PDE2A: variants seen among roughly 807,000 people sequenced by gnomAD.
The protein encoded by PDE2A is cGMP-dependent 3',5'-cyclic phosphodiesterase.
PDE2A carries 53 observed loss-of-function variants against 133.6 expected under a neutral mutation model. That is an observed-to-expected ratio of 0.40 (90% CI 0.32 to 0.50). The LOEUF (loss-of-function observed/expected upper bound fraction) is 0.50, where lower values mean the gene tolerates loss of function less well. Ranked by LOEUF, PDE2A falls within the 20% of genes least tolerant of loss-of-function variation. The probability of loss-of-function intolerance (pLI) is 0.73; values close to 1 mark genes in which losing one functional copy is unlikely to be tolerated. For missense variants in PDE2A, 796 were observed against 1,232.4 expected (o/e 0.65, Z 5.30); for synonymous variants, 491 against 490.2 (o/e 1.00, Z -0.02).
intron 4 of PDE2A, among the ~76,000 whole-genome samples, chr11:72,604,656 G>A (rs1288478562): frequency 6.6e-6 from 1 of 152,228 alleles, no homozygotes; most frequent in Non-Finnish European, 1.5e-5. Context: ...ACAGGGAGCT[G>A]AGATTTGAAC....
intron 2 of PDE2A, chr11:72,635,932 C>T (rs1246305970): frequency 2.4e-5 from 28 of 1,152,164 alleles, no homozygotes; most frequent in South Asian, 2.0e-4. Context: ...TTCGGCCACC[C>T]GACCTTCCCG....
At position 72,605,222 on chromosome 11, in the gene PDE2A, G is replaced by T; in HGVS notation, c.239C>A (p.Thr80Asn). Residue 80 changes from threonine to asparagine, a missense_variant, in exon 4 of 31, where the codon ACT (threonine) becomes AAT (asparagine). Around this residue, in one of 7 missense-constraint regions of PDE2A, gnomAD observed 417 missense variants for 475.3 expected, o/e 0.88. Coordinates refer to ENST00000334456, the MANE Select transcript of PDE2A (RefSeq NM_002599.5). Reference sequence around the variant, plus strand: ...ACCATCCAGTAGGTAGGTGTAGACAGTTTCCTAGGACAGAAGGCACTTATG... The same window carrying T: ...ACCATCCAGTAGGTAGGTGTAGACATTTTCCTAGGACAGAAGGCACTTATG... ...ALSAVLPRVETVYTYLLDGES... is the reference protein window; with the variant it reads ...ALSAVLPRVENVYTYLLDGES... The T allele has an allele frequency of 6.2e-7, 1 of 1,604,148 alleles. No homozygotes were observed.
At chr11:72,602,413 C>G (rs960708055) in intron 4 of PDE2A, among the ~76,000 whole-genome samples, 2 of 152,178 alleles carry the variant, frequency 1.3e-5, no homozygotes, top group Non-Finnish European at 2.9e-5. Context: ...CACGCCACAC[C>G]TGCTGCTGTT....
At chr11:72,585,056 G>T in intron 16 of PDE2A, 112 bp from the exon 17 acceptor site, 1 of 1,011,276 alleles carries the variant, frequency 9.9e-7, no homozygotes, top group South Asian at 1.3e-5. Flanking sequence ...AGTGCTCCAA[G>T]GTAAGACACT....
chr11:72,653,798 C>T (rs2135450801), intron 1 of PDE2A, among the ~76,000 whole-genome samples: 1 of 152,338 alleles, frequency 6.6e-6, no homozygotes, highest in African/African-American at 2.4e-5. Context: ...TCGCCTGTCC[C>T]CTAGAACACA....
At chr11:72,668,341 T>C (rs1274298930) in intron 1 of PDE2A, 10 of 718,672 alleles carry the variant, frequency 1.4e-5, no homozygotes, top group Non-Finnish European at 2.1e-5. Flanking sequence ...TGTTTCTTCA[T>C]CCAGAAAACA....
intron 1 of PDE2A, among the ~76,000 whole-genome samples, chr11:72,644,347 C>G (rs1047745301): frequency 6.6e-6 from 1 of 152,230 alleles, no homozygotes; most frequent in Non-Finnish European, 1.5e-5. Flanking sequence ...ATTACCTGGG[C>G]TAAGATGTGT....
intron 1 of PDE2A, among the ~76,000 whole-genome samples, chr11:72,651,036 C>T (rs1340678549): frequency 6.6e-6 from 1 of 152,184 alleles, no homozygotes; most frequent in Non-Finnish European, 1.5e-5. Context: ...AACTCAGAAA[C>T]CATCACACAG....
chr11:72,581,343 A>T lies in PDE2A; in HGVS notation c.2045+14T>A, dbSNP rs1191444267. On this transcript the variant is annotated intron_variant, in intron 23 of 30. Coordinates refer to ENST00000334456, the MANE Select transcript of PDE2A (RefSeq NM_002599.5). ...CCAGTGGCTGCCAGATGTGGGGGAG[A>T]TGCAGCCACTCACTCGAGGTAGTTG... 6.2e-7 allele frequency: 1 copy of T among 1,612,224 alleles called. No individual in the cohort carries two copies. Among genetic ancestry groups the T allele is most frequent in the South Asian group, 1.1e-5 (1 of 90,290 alleles).
At chr11:72,601,140 C>G (rs1245864673) in intron 4 of PDE2A, among the ~76,000 whole-genome samples, 1 of 129,804 alleles carries the variant, frequency 7.7e-6, no homozygotes, top group Non-Finnish European at 1.7e-5. Flanking sequence ...GGAACCCCCA[C>G]CCTCACTGAG....
Position 72,590,504 on chromosome 11 carries a change from G to T in PDE2A, c.626C>A (p.Pro209His), listed in dbSNP as rs749362922. The T allele has an allele frequency of 6.6e-7, 1 of 1,509,828 alleles. No individual in the cohort carries two copies. Among genetic ancestry groups the T allele is most frequent in the East Asian group, 2.4e-5 (1 of 41,972 alleles). 93.5% of individuals were successfully genotyped at this position (1,509,828 alleles called of 1,614,324 possible). ...PREAPRAVQNPPEGTAEDQKG... is the reference protein window; with the variant it reads ...PREAPRAVQNHPEGTAEDQKG... ...CTGGTCTTCCGCCGTCCCCTCCGGG[G>T]GGTTCTGGACGGCTCGGGGAGCCTC... Residue 209 changes from proline to histidine, a missense_variant, in exon 8 of 31, where the codon CCC (proline) becomes CAC (histidine). Physicochemically the swap from Pro to His is moderately conservative, Grantham distance 77 (BLOSUM62 -2). Around this residue, in one of 7 missense-constraint regions of PDE2A, gnomAD observed 417 missense variants for 475.3 expected, o/e 0.88. Transcript: ENST00000334456. This position sits in a 1 kb window ranked among gnomAD's most constrained non-coding sequence, Gnocchi z 4.8.
At chr11:72,649,408 G>T (rs994742023) in intron 1 of PDE2A, 4 of 152,204 alleles carry the variant, frequency 2.6e-5, no homozygotes, top group African/African-American at 7.2e-5. Flanking sequence ...TCAGACTGGG[G>T]CTCCTCTAGG....
At chr11:72,657,059 A>T (rs1395237832) in intron 1 of PDE2A, among the ~76,000 whole-genome samples, 1 of 151,996 alleles carries the variant, frequency 6.6e-6, no homozygotes, top group Admixed American at 6.5e-5. Flanking sequence ...ACGCTGCTTC[A>T]TCTCTGACCC....
chr11:72,589,082 A>C (rs1856111930), intron 12 of PDE2A, 93 bp downstream of exon 12: 1 of 1,291,320 alleles, frequency 7.7e-7, no homozygotes, highest in Admixed American at 1.9e-5. Context: ...TATCTGCCCC[A>C]TTCCTAGGCT....
At chr11:72,652,891 C>T (rs1422799863) in intron 1 of PDE2A, among the ~76,000 whole-genome samples, 1 of 152,220 alleles carries the variant, frequency 6.6e-6, no homozygotes, top group Non-Finnish European at 1.5e-5. Context: ...CAGCAGTCCC[C>T]CCAGCTCCAG....
intron 1 of PDE2A, among the ~76,000 whole-genome samples, chr11:72,655,685 A>G (rs1054031641): frequency 6.6e-6 from 1 of 152,152 alleles, no homozygotes; most frequent in Non-Finnish European, 1.5e-5. Context: ...GTATCTCTAC[A>G]GTGGAGTGAT....
Position 72,577,306 on chromosome 11 carries a change from T to C in PDE2A, c.*78A>G. 1 of 1,124,884 alleles carries C rather than the reference T, an allele frequency of 8.9e-7. No homozygotes were observed. The highest frequency in any genetic ancestry group is 1.4e-5 in the South Asian group (1 of 71,988). 69.7% of individuals were successfully genotyped at this position (1,124,884 alleles called of 1,614,324 possible). On this transcript the variant is annotated 3_prime_UTR_variant, in exon 31 of 31. Coordinates refer to ENST00000334456, the MANE Select transcript of PDE2A (RefSeq NM_002599.5). Reference sequence around the variant, plus strand: ...TGGTCTAGGACCCAGGACCCGTGGCTCTGTTCCCAGTGCATCTGGCCAGAC... The same window carrying C: ...TGGTCTAGGACCCAGGACCCGTGGCCCTGTTCCCAGTGCATCTGGCCAGAC...
intron 2 of PDE2A, among the ~76,000 whole-genome samples, chr11:72,613,324 T>C (rs1857302017): frequency 6.6e-6 from 1 of 151,978 alleles, no homozygotes; most frequent in African/African-American, 2.4e-5. Context: ...CCGTTCACAC[T>C]GATTCATGCA....
At chr11:72,589,630 G>C in intron 11 of PDE2A, 121 bp downstream of exon 11, 1 of 846,756 alleles carries the variant, frequency 1.2e-6, no homozygotes, top group Middle Eastern at 2.4e-4. Context: ...CCAAGATCCA[G>C]ATAATTCCAT....
Sources: allele counts gnomAD v4.1 joint callset (sites outside exome capture counted in the v4.1 genomes callset), GRCh38; gene constraint gnomAD v4.1.1; regional missense constraint gnomAD v4.1.1; non-coding constraint Gnocchi (gnomAD v3.1); transcripts MANE v1.5; gene names NCBI Gene and HGNC (gene_info 2026-07-23, HGNC 2026-07-21).